The following HYDIN variants were observed in gnomAD, a reference collection of about 807,000 sequenced individuals.
The protein encoded by HYDIN is axonemal central pair apparatus protein HYDIN.
HYDIN carries 132 observed loss-of-function variants against 403.9 expected under a neutral mutation model. The ratio of observed to expected loss-of-function variants is 0.33; its 90% CI spans 0.28 to 0.38. The LOEUF is 0.38. Ranked by LOEUF, HYDIN falls within the 10% of genes least tolerant of loss-of-function variation. HYDIN has a pLI of 1.00. For synonymous variants in HYDIN, 1,202 were observed against 1,891.7 expected (o/e 0.64, Z 9.46); for missense variants, 2,827 against 5,009.5 (o/e 0.56, Z 13.15).
At chr16:70,837,123 G>T (rs1383607110) in intron 77 of HYDIN, among the ~76,000 whole-genome samples, 1 of 152,206 alleles carries the variant, frequency 6.6e-6, no homozygotes, top group Admixed American at 6.5e-5. Context: ...GACACAAGAA[G>T]GAAATGAATG....
At chr16:70,818,646 A>G (rs2036011791) in intron 83 of HYDIN, 74 bp from the exon 84 acceptor site, 1 of 628,426 alleles carries the variant, frequency 1.6e-6, no homozygotes, top group East Asian at 2.8e-5. Context: ...ACATTTTCAG[A>G]GCCTCCTTCT....
At chr16:71,190,159 C>T (rs536136614) in intron 1 of HYDIN, among the ~76,000 whole-genome samples, 1 of 152,268 alleles carries the variant, frequency 6.6e-6, no homozygotes, top group East Asian at 1.9e-4. Flanking sequence ...CCATTTACCA[C>T]TAACAGAAAT....
At chr16:71,206,668 C>G (rs535827172) in intron 1 of HYDIN, among the ~76,000 whole-genome samples, 5 of 152,244 alleles carry the variant, frequency 3.3e-5, no homozygotes, top group African/African-American at 1.2e-4. Flanking sequence ...TCCAAGGAAG[C>G]TAAGAATCAT....
rs2084629885 is a variant in HYDIN, at chr16:71,129,768, C to G, written c.1099G>C (p.Glu367Gln). ...CGGAGTAAAGGATCAGTAATGCACT[C>G]TTCAAAAAACTCATCAGTCTCATCC... ...EKDETDEFFEECITDPLLREH... is the reference protein window; with the variant it reads ...EKDETDEFFEQCITDPLLREH... Residue 367 changes from glutamate (E) to glutamine (Q), a missense_variant, in exon 9 of 86, where the codon GAG becomes CAG. Transcript: ENST00000393567. The G allele has an allele frequency of 6.2e-7, 1 of 1,613,206 alleles. No individual in the cohort carries two copies. The highest frequency in any genetic ancestry group is 1.3e-5 in the African/African-American group (1 of 74,886).
intron 7 of HYDIN, among the ~76,000 whole-genome samples, chr16:71,138,754 A>G (rs931535176): frequency 1.3e-5 from 2 of 152,150 alleles, no homozygotes; most frequent in Non-Finnish European, 2.9e-5. Context: ...TAAACCAAAG[A>G]GAAAACCCCT....
In HYDIN at chr16:70,824,942, T is replaced by C. The variant is rs184334545; in HGVS notation, c.14427+2319A>G. Among the ~76,000 whole-genome samples the C allele has an allele frequency of 1.4e-4, 21 of 152,148 alleles. No homozygotes were observed. The East Asian group carries it at 2.7e-3, about 20-fold the overall frequency. On this transcript the variant is annotated intron_variant, in intron 83 of 85. Transcript: ENST00000393567. ...TCAGCTCACTGCAACCTCAATCTCC[T>C]GGGCTCAATCAGTCCTCCTACCTCA... is the stretch of plus-strand genomic sequence containing the variant.
At chr16:71,213,251 G>A (rs963200686) in intron 1 of HYDIN, among the ~76,000 whole-genome samples, 2 of 151,992 alleles carry the variant, frequency 1.3e-5, no homozygotes, top group African/African-American at 4.8e-5. Context: ...AAATGGCGGG[G>A]GAAACATGGT....
intron 6 of HYDIN, among the ~76,000 whole-genome samples, chr16:71,157,463 G>A (rs1284095967): frequency 7.3e-5 from 11 of 150,616 alleles, no homozygotes; most frequent in Admixed American, 2.6e-4. Context: ...TTTTTAGAAC[G>A]GATCCTTGTC....
In HYDIN at chr16:70,872,062, G is replaced by A. The variant is rs1246004419; in HGVS notation, c.11066C>T (p.Ser3689Leu). ...CTGTGGGGAGAAAGCAATTGTAGCTGAAACAGGCCATTCAAACCGTATCAA... is the reference window on the plus strand; with the variant it reads ...CTGTGGGGAGAAAGCAATTGTAGCTAAAACAGGCCATTCAAACCGTATCAA... ...VNLIRFEWPV[S>L]ATIAFSPQMG... is the part of the protein sequence containing the mutation. The change falls in exon 65 of 86, where the codon TCA becomes TTA. Residue 3689 changes from serine to leucine, a missense_variant. Ser to Leu is a moderately radical substitution (Grantham distance 145). Transcript: ENST00000393567. 8 of 1,573,972 alleles carry A rather than the reference G, an allele frequency of 5.1e-6. No individual in the cohort carries two copies. The highest frequency in any genetic ancestry group is 1.7e-4 in the Middle Eastern group (1 of 5,854).
chr16:71,067,170 C>T (rs1568097245), intron 15 of HYDIN, 120 bp downstream of exon 15: 1 of 604,456 alleles, frequency 1.7e-6, no homozygotes, highest in Non-Finnish European at 3.0e-6. Flanking sequence ...AACTTCCCTT[C>T]CCAGGAAGGC....
rs917610916 is a variant in HYDIN at position 70,807,922 on chromosome 16, G to C, written c.15024C>G (p.Leu5008=). 1 of 1,614,156 alleles carries C rather than the reference G, an allele frequency of 6.2e-7. No individual in the cohort carries two copies. Among genetic ancestry groups the C allele is most frequent in the Non-Finnish European group, 8.5e-7 (1 of 1,180,024 alleles). Residue 5008 remains leucine, a synonymous_variant, in exon 86 of 86, where the codon CTC becomes CTG. Coordinates refer to ENST00000393567, the MANE Select transcript of HYDIN (RefSeq NM_001270974.2). ...GGGGGATGATATACTCTCCACCTGC[G>C]AGCGATGATAGGATCAGGATGCCCT... ...ETKGILILSS[L]AGGEYIIPLF...
At chr16:70,951,484 T>TC (rs928125896) in intron 41 of HYDIN, among the ~76,000 whole-genome samples, 34 of 151,974 alleles carry the variant, frequency 2.2e-4, no homozygotes, top group African/African-American at 7.5e-4. Flanking sequence ...AGACCATGCC[T>TC]CCTACATGCA....
intron 1 of HYDIN, among the ~76,000 whole-genome samples, chr16:71,191,153 A>T (rs1042895643): frequency 3.3e-5 from 5 of 152,244 alleles, no homozygotes; most frequent in African/African-American, 1.2e-4. Flanking sequence ...TTTTTATTTT[A>T]AATTCATTAA....
At chr16:70,951,273 A>AGAGAGAGAGG (rs2078063121) in intron 41 of HYDIN, among the ~76,000 whole-genome samples, 1 of 150,772 alleles carries the variant, frequency 6.6e-6, no homozygotes, top group Non-Finnish European at 1.5e-5. Context: ...AGAGAGAGAG[A>AGAGAGAGAGG]GAGAGAGGGA....
At chr16:71,118,185 T>C (rs1236808847) in intron 9 of HYDIN, among the ~76,000 whole-genome samples, 3 of 152,102 alleles carry the variant, frequency 2.0e-5, no homozygotes, top group Non-Finnish European at 4.4e-5. Context: ...GGCCCACACC[T>C]TTCTGCTTCT....
At chr16:71,132,868 G>A (rs11647627) in intron 8 of HYDIN, 43,683 of 142,498 alleles carry the variant, frequency 0.31, 7,401 homozygotes, top group Non-Finnish European at 0.41. Flanking sequence ...TCCAACAAGG[G>A]CTTCCATAGA....
At chr16:71,062,050 C>T (rs1309124617) in intron 17 of HYDIN, 119 bp downstream of exon 17, 1 of 837,354 alleles carries the variant, frequency 1.2e-6, no homozygotes, top group Non-Finnish European at 1.9e-6. Flanking sequence ...ACATAAAACC[C>T]TACAACTCCA....
intron 38 of HYDIN, 94 bp downstream of exon 38, chr16:70,961,865 G>C (rs1354547): frequency 2.1e-6 from 2 of 947,274 alleles, no homozygotes; most frequent in Admixed American, 2.4e-5. Flanking sequence ...GGAGCCATAC[G>C]AGGAGGCTTA....
chr16:71,184,704 C>A (rs1358105824), intron 3 of HYDIN, among the ~76,000 whole-genome samples, 161 bp downstream of exon 3: 4 of 152,100 alleles, frequency 2.6e-5, no homozygotes, highest in African/African-American at 9.7e-5. Context: ...CTTCACCATA[C>A]CAAATCACAG....
Sources: gnomAD v4.1 joint callset for allele counts (sites outside exome capture counted in the v4.1 genomes callset) on GRCh38, gnomAD v4.1.1 for gene constraint, MANE v1.5 for transcripts, NCBI Gene and HGNC (gene_info 2026-07-23, HGNC 2026-07-21) for gene names.